Variants in NPR1 observed in about 807,000 individuals in gnomAD.
NPR1 encodes atrial natriuretic peptide receptor 1.
A neutral mutation model predicts 116.9 loss-of-function variants in NPR1; 57 were observed. That is an observed-to-expected ratio of 0.49 (90% confidence interval 0.39 to 0.61). The LOEUF is 0.61. Among genes scored for constraint, NPR1 ranks in the 20% least tolerant of loss-of-function variants. The pLI is 0.00. For missense variants in NPR1, 1,096 were observed against 1,409.8 expected, an observed-to-expected ratio of 0.78 and a Z score of 3.56; for synonymous variants, 555 against 601.6, an observed-to-expected ratio of 0.92 and a Z score of 1.13.
chr1:153,687,862 G>A, intron 14 of NPR1, 73 bp downstream of exon 14: 1 of 1,465,650 alleles, frequency 6.8e-7, no homozygotes, highest in South Asian at 1.3e-5. Context: ...AGGGTCCCCT[G>A]GCAGCACCAC....
In NPR1 at chr1:153,689,230, C is replaced by T. The variant is rs774586443; in HGVS notation, c.2607C>T (p.Ala869=). 4 of 1,614,182 alleles carry T rather than the reference C, an allele frequency of 2.5e-6. No homozygotes were observed. The highest frequency in any genetic ancestry group is 2.2e-5 in the East Asian group (1 of 44,886). The change falls in exon 17 of 22, where the codon GCC becomes GCT. Residue 869 remains alanine, a synonymous_variant. Transcript: ENST00000368680. This position sits in a 1 kb window ranked among gnomAD's most constrained non-coding sequence, Gnocchi z 5.1. Reference sequence around the variant, plus strand: ...TGAAGCGTGGGGAGACGGTGCAGGCCGAAGCCTTTGACAGTGTTACCATCT... The same window carrying T: ...TGAAGCGTGGGGAGACGGTGCAGGCTGAAGCCTTTGACAGTGTTACCATCT... ...EQLKRGETVQ[A]EAFDSVTIYF...
chr1:153,692,694 G>A (rs2101742490), intron 20 of NPR1, among the ~76,000 whole-genome samples: 1 of 152,034 alleles, frequency 6.6e-6, no homozygotes, highest in East Asian at 1.9e-4. Context: ...TGTATTTTTA[G>A]TAGAGACGGG....
chr1:153,687,787 A>G lies in NPR1; in HGVS notation c.2246A>G (p.Lys749Arg), dbSNP rs768968497. The G allele has an allele frequency of 5.7e-6, 9 of 1,583,180 alleles. No individual in the cohort carries two copies. The highest frequency in any genetic ancestry group is 8.6e-7 in the Non-Finnish European group (1 of 1,158,806). ...GTGGAAGGTTTGGACCTGAGCCCCA[A>G]AGGTGAGAGGAGCACACCTTCCTTA... ...FHVEGLDLSP[K>R]EIIERVTRGE... The change falls in exon 14 of 22, where the codon AAA (lysine) becomes AGA (arginine). Residue 749 changes from lysine (K) to arginine (R), a missense_variant and splice_region_variant. Transcript: ENST00000368680.
In NPR1 at chr1:153,687,330, C is replaced by A. The variant is rs1192751405; in HGVS notation, c.2066C>A (p.Pro689Gln). ...YGLESFRDLD[P>Q]EQGHTVYAKK... ...CTGGAGAGCTTCAGGGACCTGGACC[C>A]AGAGCAAGGACACACCGTTTATGCC... The change falls in exon 13 of 22, where the codon CCA becomes CAA. Residue 689 changes from proline to glutamine, a missense_variant. Transcript: ENST00000368680. The A allele has an allele frequency of 6.2e-7, 1 of 1,614,068 alleles. No individual in the cohort carries two copies. The highest frequency in any genetic ancestry group is 1.7e-5 in the Admixed American group (1 of 60,002).
chr1:153,685,053 G>A lies in NPR1; in HGVS notation c.1574G>A (p.Arg525Gln), dbSNP rs376091818. The change falls in exon 8 of 22, where the codon CGG (arginine) becomes CAG (glutamine). Residue 525 changes from arginine (R) to glutamine (Q), a missense_variant. Physicochemically the swap from Arg to Gln is conservative, Grantham distance 43 (BLOSUM62 1). Transcript: ENST00000368680. ...VEPSSLERHL[R>Q]SAGSRLTLSG... ...CCCAGTAGCCTTGAGAGGCACCTGC[G>A]GAGTGCAGGCAGCCGGCTGACCCTG... 143 of 1,614,020 alleles carry A rather than the reference G, an allele frequency of 8.9e-5. No homozygotes were observed. The highest frequency in any genetic ancestry group is 4.1e-4 in the African/African-American group (31 of 75,026).
At chr1:153,690,253 T>C (rs1444751400) in intron 19 of NPR1, 31 bp from the exon 20 acceptor site, 1 of 1,524,952 alleles carries the variant, frequency 6.6e-7, no homozygotes, top group African/African-American at 1.4e-5. Flanking sequence ...CACTCGCTGA[T>C]GGGCTCTGCT....
At chr1:153,693,013 G>GTCCACCTC in intron 20 of NPR1, 93 bp from the exon 21 acceptor site, 5 of 1,028,518 alleles carry the variant, frequency 4.9e-6, no homozygotes, top group South Asian at 4.2e-5. Flanking sequence ...CTGTCCACCT[G>GTCCACCTC]TCCACCCCCA....
rs1197119133 is a variant in NPR1 at position 153,690,278 on chromosome 1, T to C, written c.2933-6T>C. 1 of 1,553,134 alleles carries C rather than the reference T, an allele frequency of 6.4e-7. No individual in the cohort carries two copies. On this transcript the variant is annotated splice_region_variant and splice_polypyrimidine_tract_variant and intron_variant, in intron 19 of 21. Transcript: ENST00000368680. ...TGGGCTCTGCTCCTTCCCTTGCTCC[T>C]CCCAGGACCTGTGTGTGCTGGAGTG...
intron 13 of NPR1, 91 bp from the exon 14 acceptor site, chr1:153,687,543 A>G: frequency 6.7e-7 from 1 of 1,502,356 alleles, no homozygotes. Context: ...TCTGTGATGC[A>G]TCCAGATCAG....
In NPR1 at chr1:153,689,380, G is replaced by T; in HGVS notation, c.2688+69G>T. On this transcript the variant is annotated intron_variant, in intron 17 of 21. Coordinates refer to ENST00000368680, the MANE Select transcript of NPR1 (RefSeq NM_000906.4). The surrounding 1 kb of genome is among the most constrained non-coding windows in gnomAD (Gnocchi z 5.1). ...TGGATCCCACCAGACCTGCCTTCTG[G>T]TTCTGCTTTACCCACCTGACCCCAG... is the stretch of plus-strand genomic sequence containing the variant. 3.1e-6 allele frequency: 5 copies of T among 1,613,998 alleles called. No individual in the cohort carries two copies. The highest frequency in any genetic ancestry group is 4.2e-6 in the Non-Finnish European group (5 of 1,179,906).
chr1:153,682,652 C>T (rs1175314992), intron 5 of NPR1, 63 bp downstream of exon 5: 3 of 1,226,024 alleles, frequency 2.4e-6, no homozygotes, highest in East Asian at 2.4e-5. Flanking sequence ...CCTACTTCCC[C>T]CCCACAGCCC....
chr1:153,679,569 T>C lies in NPR1; in HGVS notation c.461T>C (p.Leu154Pro). ...LGFGVKDEYA[L>P]TTRAGPSYAK... is the part of the protein sequence containing the mutation. Reference sequence around the variant, plus strand: ...TTCGGTGTCAAGGACGAGTATGCGCTGACCACCCGCGCGGGGCCCAGCTAC... The same window carrying C: ...TTCGGTGTCAAGGACGAGTATGCGCCGACCACCCGCGCGGGGCCCAGCTAC... Residue 154 changes from leucine (L) to proline (P), a missense_variant, in exon 1 of 22, where the codon CTG (leucine) becomes CCG (proline). By Grantham distance (98) the Leu-to-Pro change is moderately conservative. Coordinates refer to ENST00000368680, the MANE Select transcript of NPR1 (RefSeq NM_000906.4). This position sits in a 1 kb window ranked among gnomAD's most constrained non-coding sequence, Gnocchi z 4.2. The C allele has an allele frequency of 6.4e-7, 1 of 1,560,020 alleles. No individual in the cohort carries two copies. The highest frequency in any genetic ancestry group is 8.6e-7 in the Non-Finnish European group (1 of 1,157,526).
At position 153,678,974 on chromosome 1, in the gene NPR1, C is replaced by A; in HGVS notation, c.-135C>A. ...CGCAGCTACAGGGGGCCTCGAGCCC[C>A]GGGGTGAGCGTCCCCGTCCCGCTCC... On this transcript the variant is annotated 5_prime_UTR_variant, in exon 1 of 22. Transcript: ENST00000368680. This position sits in a 1 kb window ranked among gnomAD's most constrained non-coding sequence, Gnocchi z 5.8. 8.5e-7 allele frequency: 1 copy of A among 1,177,766 alleles called. No homozygotes were observed. Among genetic ancestry groups the A allele is most frequent in the African/African-American group, 1.6e-5 (1 of 61,576 alleles). 73.0% of individuals were successfully genotyped at this position (1,177,766 alleles called of 1,614,324 possible). A position where few individuals can be genotyped will look rare whatever the true frequency, so the allele number is the denominator to read the frequency against.
chr1:153,679,372 G>A lies in NPR1; in HGVS notation c.264G>A (p.Ala88=). The A allele has an allele frequency of 1.9e-6, 3 of 1,539,840 alleles. No homozygotes were observed. Among genetic ancestry groups the A allele is most frequent in the Non-Finnish European group, 2.6e-6 (3 of 1,148,398 alleles). Residue 88 remains alanine (A), a synonymous_variant, in exon 1 of 22, where the codon GCG becomes GCA. Transcript: ENST00000368680. This position sits in a 1 kb window ranked among gnomAD's most constrained non-coding sequence, Gnocchi z 4.2. Reference sequence around the variant, plus strand: ...CGGTGCTGGGCAGCAGCGAAAACGCGCTGGGCGTCTGCTCCGACACCGCAG... The same window carrying A: ...CGGTGCTGGGCAGCAGCGAAAACGCACTGGGCGTCTGCTCCGACACCGCAG... ...VRTVLGSSEN[A]LGVCSDTAAP...
At chr1:153,693,024 C>A in intron 20 of NPR1, 82 bp from the exon 21 acceptor site, 1 of 1,120,654 alleles carries the variant, frequency 8.9e-7, no homozygotes, top group Non-Finnish European at 1.3e-6. Flanking sequence ...TCCACCCCCA[C>A]AGTCCCTGGT....
At chr1:153,688,594 C>A in intron 15 of NPR1, 1 of 416,214 alleles carries the variant, frequency 2.4e-6, no homozygotes, top group Non-Finnish European at 4.4e-6. Context: ...TTTCCCTTCC[C>A]CAGCGTGCCC....
chr1:153,680,748 C>A, intron 2 of NPR1, 48 bp downstream of exon 2: 4 of 1,460,160 alleles, frequency 2.7e-6, no homozygotes, highest in South Asian at 1.2e-5. Flanking sequence ...TGTGGCACAT[C>A]ATTTCTGGGC....
Position 153,687,951 on chromosome 1 carries a change from C to G in NPR1, c.2249-102C>G, listed in dbSNP as rs560750486. 2.7e-6 allele frequency: 3 copies of G among 1,108,510 alleles called. No homozygotes were observed. The African/African-American group carries it at 4.7e-5, about 17-fold the overall frequency. The allele number at this position is 1,108,510 out of a possible 1,614,324, so 68.7% of individuals were successfully genotyped here. On this transcript the variant is annotated intron_variant, in intron 14 of 21. Coordinates refer to ENST00000368680, the MANE Select transcript of NPR1 (RefSeq NM_000906.4). ...CAGTGACCAGTCCCCCGCCCCCATG[C>G]CTTGGTCTTGGACTTCCCCTGCCAT... is the stretch of plus-strand genomic sequence containing the variant.
Position 153,689,407 on chromosome 1 carries a change from TG to T in NPR1, c.2689-42del. On this transcript the variant is annotated intron_variant, in intron 17 of 21. Transcript: ENST00000368680. This position sits in a 1 kb window ranked among gnomAD's most constrained non-coding sequence, Gnocchi z 5.1. ...TCTGCTTTACCCACCTGACCCCAGG[TG>T]GGGTCCCCTACTTCCTGTCTCTCTT... The T allele has an allele frequency of 6.2e-7, 1 of 1,613,582 alleles. No individual in the cohort carries two copies. The highest frequency in any genetic ancestry group is 1.1e-5 in the South Asian group (1 of 91,064).
Sources: allele counts gnomAD v4.1 joint callset (sites outside exome capture counted in the v4.1 genomes callset), GRCh38; gene constraint gnomAD v4.1.1; non-coding constraint Gnocchi (gnomAD v3.1); transcripts MANE v1.5; gene names NCBI Gene and HGNC (gene_info 2026-07-23, HGNC 2026-07-21).